The following RETSAT variants were observed in gnomAD, a reference collection of about 807,000 sequenced individuals.
The protein encoded by RETSAT is all-trans-retinol 13,14-reductase.
Under a neutral mutation model 61.6 loss-of-function variants are expected in RETSAT, and 35 were observed. That is an observed-to-expected ratio of 0.57 (90% CI 0.43 to 0.75). The LOEUF (loss-of-function observed/expected upper bound fraction) is 0.75, where lower values mean the gene tolerates loss of function less well. Among genes scored for constraint, RETSAT ranks in the 30% least tolerant of loss-of-function variants. RETSAT has a pLI of 0.00. For missense variants in RETSAT, 670 were observed against 759.5 expected, an observed-to-expected ratio of 0.88 and a Z score of 1.38; for synonymous variants, 277 against 310.4, an observed-to-expected ratio of 0.89 and a Z score of 1.13.
At position 85,349,468 on chromosome 2, in the gene RETSAT, G is replaced by T. The variant is rs955268640; in HGVS notation, c.913C>A (p.Pro305Thr). The T allele has an allele frequency of 1.2e-6, 2 of 1,614,072 alleles. No homozygotes were observed. Among genetic ancestry groups the T allele is most frequent in the African/African-American group, 2.7e-5 (2 of 74,916 alleles). The change falls in exon 5 of 11, where the codon CCT (proline) becomes ACT (threonine). Residue 305 changes from proline (P) to threonine (T), a missense_variant. By Grantham distance (38) the Pro-to-Thr change is conservative. Coordinates refer to ENST00000295802, the MANE Select transcript of RETSAT (RefSeq NM_017750.4). ...GCGCCCCCAGCCCGCTGAATCACAG[G>T]GATGGTGTGGAAGGCAATTTCACTG... ...GSSEIAFHTI[P>T]VIQRAGGAVL... is the part of the protein sequence containing the mutation.
rs531313301 is a variant in RETSAT at position 85,354,343 on chromosome 2, G to A, written c.165C>T (p.Leu55=). The A allele has an allele frequency of 1.5e-5, 25 of 1,614,226 alleles. No individual in the cohort carries two copies. The highest frequency in any genetic ancestry group is 1.7e-4 in the Middle Eastern group (1 of 6,054). Residue 55 remains leucine, a synonymous_variant, in exon 1 of 11, where the codon CTC becomes CTT. Coordinates refer to ENST00000295802, the MANE Select transcript of RETSAT (RefSeq NM_017750.4). Reference sequence around the variant, plus strand: ...CAGGGTCCCTCCTGCTACCTTGTTTGAGAACCTTCTTCCTGGCCTCCTTGT... The same window carrying A: ...CAGGGTCCCTCCTGCTACCTTGTTTAAGAACCTTCTTCCTGGCCTCCTTGT... ...VTDKEARKKV[L]KQAFSANQVP... is the part of the protein sequence containing the mutation.
chr2:85,354,249 T>C, intron 1 of RETSAT, 87 bp downstream of exon 1: 2 of 1,444,900 alleles, frequency 1.4e-6, no homozygotes, highest in Non-Finnish European at 9.6e-7. Context: ...GGCCCACGTC[T>C]GGTAGCGGCT....
chr2:85,348,617 C>T (rs1177336437), intron 5 of RETSAT, among the ~76,000 whole-genome samples: 3 of 108,602 alleles, frequency 2.8e-5, no homozygotes, highest in South Asian at 3.2e-4. Context: ...GGCAACAGAG[C>T]GAGACTCCAA....
At chr2:85,345,076 A>G (rs1172016935) in intron 6 of RETSAT, among the ~76,000 whole-genome samples, 1 of 152,096 alleles carries the variant, frequency 6.6e-6, no homozygotes, top group African/African-American at 2.4e-5. Flanking sequence ...GGAAGTAGCA[A>G]AGGCAGAGTC....
Position 85,344,365 on chromosome 2 carries a change from T to C in RETSAT, c.1257-17A>G, listed in dbSNP as rs1683151446. ...CGCTCCATCCTGCATGTGACAAGAGTGTGGTGGGATCTCCAGGTTTTTGTC... is the reference window on the plus strand; with the variant it reads ...CGCTCCATCCTGCATGTGACAAGAGCGTGGTGGGATCTCCAGGTTTTTGTC... On this transcript the variant is annotated splice_polypyrimidine_tract_variant and intron_variant, in intron 7 of 10. Transcript: ENST00000295802. 2 of 1,611,718 alleles carry C rather than the reference T, an allele frequency of 1.2e-6. No homozygotes were observed. The highest frequency in any genetic ancestry group is 2.7e-5 in the African/African-American group (2 of 74,932).
chr2:85,345,688 G>C (rs1052769744), intron 6 of RETSAT: 1 of 500,326 alleles, frequency 2.0e-6, no homozygotes, highest in Non-Finnish European at 3.7e-6. Context: ...CAGCCCAGAA[G>C]GGTGGGAGGA....
rs1435597700 is a variant in RETSAT, at chr2:85,342,140, C to T, written c.*1102G>A. 9 of 267,014 alleles carry T rather than the reference C, an allele frequency of 3.4e-5. No homozygotes were observed. The highest frequency in any genetic ancestry group is 5.7e-5 in the Non-Finnish European group (8 of 141,046). 16.5% of individuals were successfully genotyped at this position (267,014 alleles called of 1,614,324 possible). On this transcript the variant is annotated 3_prime_UTR_variant, in exon 11 of 11. Coordinates refer to ENST00000295802, the MANE Select transcript of RETSAT (RefSeq NM_017750.4). Reference sequence around the variant, plus strand: ...TAAATTTATTAATGTTACATTAACACGAACTACAAAGAGACCTTTCGTATG... The same window carrying T: ...TAAATTTATTAATGTTACATTAACATGAACTACAAAGAGACCTTTCGTATG...
intron 3 of RETSAT, among the ~76,000 whole-genome samples, 157 bp downstream of exon 3, chr2:85,350,623 G>C (rs368584251): frequency 6.6e-6 from 1 of 152,126 alleles, no homozygotes; most frequent in Non-Finnish European, 1.5e-5. Flanking sequence ...ACAGAGAACT[G>C]GATGGACTTG....
intron 6 of RETSAT, chr2:85,345,737 C>A (rs573121302): frequency 1.7e-5 from 11 of 650,974 alleles, no homozygotes; most frequent in African/African-American, 1.6e-4. Context: ...CTGCTCAGCC[C>A]TGCCCCTTTC....
Position 85,349,579 on chromosome 2 carries a change from C to T in RETSAT, c.802G>A (p.Val268Ile), listed in dbSNP as rs1157866234. ...VLSYIFPTYGVTPNHSAFSMH... is the reference protein window; with the variant it reads ...VLSYIFPTYGITPNHSAFSMH... ...GAAAAGGCACTGTGGTTGGGGGTGACACCTGCAGAAGCAAGGAAGGGTGGT... is the reference window on the plus strand; with the variant it reads ...GAAAAGGCACTGTGGTTGGGGGTGATACCTGCAGAAGCAAGGAAGGGTGGT... The change falls in exon 5 of 11, where the codon GTC (valine) becomes ATC (isoleucine). Residue 268 changes from valine to isoleucine, a missense_variant and splice_region_variant. Val to Ile is a conservative substitution (Grantham distance 29). Coordinates refer to ENST00000295802, the MANE Select transcript of RETSAT (RefSeq NM_017750.4). 2.5e-6 allele frequency: 4 copies of T among 1,613,928 alleles called. No individual in the cohort carries two copies. Among genetic ancestry groups the T allele is most frequent in the Non-Finnish European group, 2.5e-6 (3 of 1,179,960 alleles).
At chr2:85,349,057 G>GGGTTTTTTTTTTTGT (rs1553413591) in intron 5 of RETSAT, among the ~76,000 whole-genome samples, 19 of 133,346 alleles carry the variant, frequency 1.4e-4, no homozygotes, top group African/African-American at 5.4e-4. Context: ...CCATATTTTT[G>GGGTTTTTTTTTTTGT]TTTTTTTTTT....
intron 10 of RETSAT, 50 bp downstream of exon 10, chr2:85,343,589 G>A (rs183817709): frequency 7.0e-4 from 1,123 of 1,605,990 alleles, no homozygotes; most frequent in Admixed American, 8.3e-4. Flanking sequence ...GACGTTGGGC[G>A]ACAGGGGCCC....
intron 6 of RETSAT, 124 bp from the exon 7 acceptor site, chr2:85,344,856 T>C: frequency 1.0e-6 from 1 of 1,000,120 alleles, no homozygotes; most frequent in African/African-American, 1.6e-5. Flanking sequence ...CCCTGGCCAC[T>C]CTGCTTCCTT....
chr2:85,348,300 T>C (rs1683234839), intron 5 of RETSAT, among the ~76,000 whole-genome samples: 1 of 152,096 alleles, frequency 6.6e-6, no homozygotes, highest in Non-Finnish European at 1.5e-5. Context: ...TGTGCTAAGA[T>C]TTATAGATAC....
rs73945715 is a variant in RETSAT, at chr2:85,350,734, A to G, written c.597+46T>C. 8.7e-3 allele frequency: 14,014 copies of G among 1,610,818 alleles called. 528 individuals carry two copies. In the African/African-American group the frequency reaches 0.1, roughly 12 times the overall value. On this transcript the variant is annotated intron_variant, in intron 3 of 10. Transcript: ENST00000295802. ...GCCTCCACTAATAATAAAGAAACCC[A>G]GCCTTATCGAGAACAAACTCTGGGT...
Position 85,354,387 on chromosome 2 carries a change from G to C in RETSAT, c.121C>G (p.Pro41Ala). ...TCCTTGTCAGTTACCAGGGGCGCTG[G>C]GGGCCGTTTGACATCTTCGGAGAAA... ...NPFSEDVKRPPAPLVTDKEAR... is the reference protein window; with the variant it reads ...NPFSEDVKRPAAPLVTDKEAR... The change falls in exon 1 of 11, where the codon CCA becomes GCA. Residue 41 changes from proline to alanine, a missense_variant. By Grantham distance (27) the Pro-to-Ala change is conservative. Coordinates refer to ENST00000295802, the MANE Select transcript of RETSAT (RefSeq NM_017750.4). 6.2e-7 allele frequency: 1 copy of C among 1,614,240 alleles called. No homozygotes were observed. The highest frequency in any genetic ancestry group is 8.5e-7 in the Non-Finnish European group (1 of 1,180,036).
intron 2 of RETSAT, 39 bp downstream of exon 2, chr2:85,351,641 T>C (rs1465689310): frequency 6.3e-7 from 1 of 1,589,302 alleles, no homozygotes; most frequent in Non-Finnish European, 8.6e-7. Context: ...CTCTTCAACA[T>C]ACAGCCATGC....
chr2:85,350,110 A>G lies in RETSAT; in HGVS notation c.729T>C (p.Ala243=), dbSNP rs200257201. Residue 243 remains alanine (A), a synonymous_variant, in exon 4 of 11, where the codon GCT becomes GCC. Transcript: ENST00000295802. The part of the protein sequence containing the change: ...PFLQASTQSL[A]EVLQQLGASS... ...AGGCCCCCAGCTGCTGCAGGACCTCAGCCAGGCTCTGGGTGGATGCTTGAA... is the reference window on the plus strand; with the variant it reads ...AGGCCCCCAGCTGCTGCAGGACCTCGGCCAGGCTCTGGGTGGATGCTTGAA... 1 of 1,614,064 alleles carries G rather than the reference A, an allele frequency of 6.2e-7. No individual in the cohort carries two copies. Among genetic ancestry groups the G allele is most frequent in the African/African-American group, 1.3e-5 (1 of 75,050 alleles).
At chr2:85,345,287 A>G (rs1253409207) in intron 6 of RETSAT, among the ~76,000 whole-genome samples, 1 of 152,098 alleles carries the variant, frequency 6.6e-6, no homozygotes, top group African/African-American at 2.4e-5. Context: ...CCCAGTCCCC[A>G]TGCGGAAAGC....
Sources: allele counts gnomAD v4.1 joint callset (sites outside exome capture counted in the v4.1 genomes callset), GRCh38; gene constraint gnomAD v4.1.1; transcripts MANE v1.5; gene names NCBI Gene and HGNC (gene_info 2026-07-23, HGNC 2026-07-21).